ACVR1: variants seen among roughly 807,000 people sequenced by gnomAD.
The protein encoded by ACVR1 is activin receptor type-1.
In ACVR1, 38 loss-of-function variants were observed where a neutral mutation model predicts 57.1. The observed-to-expected ratio is 0.67, with a 90% CI of 0.51 to 0.87. The LOEUF is 0.87. Among genes scored for constraint, ACVR1 ranks in the 40% least tolerant of loss-of-function variants. The pLI is 0.00. For missense variants in ACVR1, 463 were observed against 638.2 expected (o/e 0.73, Z 2.96); for synonymous variants, 212 against 228.1 (o/e 0.93, Z 0.63).
At chr2:157,780,682 A>C in intron 3 of ACVR1, 82 bp from the exon 4 acceptor site, 2 of 1,511,072 alleles carry the variant, frequency 1.3e-6, no homozygotes, top group Non-Finnish European at 1.8e-6. Context: ...GGGAATGACC[A>C]TTCCAAACAC....
intron 1 of ACVR1, among the ~76,000 whole-genome samples, chr2:157,834,978 C>T (rs1026543100): frequency 6.6e-6 from 1 of 152,190 alleles, no homozygotes; most frequent in Non-Finnish European, 1.5e-5. Context: ...GTGCTTTGAT[C>T]TTGAGCTGCC....
At chr2:157,761,695 T>A (rs1685663662) in intron 8 of ACVR1, among the ~76,000 whole-genome samples, 1 of 152,174 alleles carries the variant, frequency 6.6e-6, no homozygotes, top group African/African-American at 2.4e-5. Context: ...GTTAAATGGC[T>A]TTCAAATGCT....
At chr2:157,836,800 T>C (rs1447762054) in intron 1 of ACVR1, among the ~76,000 whole-genome samples, 6 of 152,204 alleles carry the variant, frequency 3.9e-5, no homozygotes, top group African/African-American at 7.2e-5. Flanking sequence ...TTCCAGGATT[T>C]ATAAGGCTTC....
rs374270063 is a variant in ACVR1, at chr2:157,851,907, A to ACCACCAC, written c.-183+23888_-183+23889insGTGGTGG. On this transcript the variant is annotated intron_variant, in intron 1 of 10. Coordinates refer to ENST00000434821, the MANE Select transcript of ACVR1 (RefSeq NM_001111067.4). ...CACACACACACACACACACACACAC[A>ACCACCAC]CACCACCCCCACCCCACCCGCCCAG... Among the ~76,000 whole-genome samples the ACCACCAC allele has an allele frequency of 2.9e-3, 34 of 11,718 alleles. 2 individuals carry two copies. The highest frequency in any genetic ancestry group is 5.9e-3 in the African/African-American group (34 of 5,726). The allele number at this position is 11,718 out of a possible 152,430, so 7.7% of individuals were successfully genotyped here.
chr2:157,755,785 G>A (rs537343878), intron 9 of ACVR1, among the ~76,000 whole-genome samples: 11 of 151,718 alleles, frequency 7.3e-5, no homozygotes, highest in East Asian at 1.9e-4. Context: ...AAATACCACC[G>A]TCATTCTTCA....
chr2:157,804,154 T>C (rs570437466), intron 2 of ACVR1, among the ~76,000 whole-genome samples: 1 of 152,320 alleles, frequency 6.6e-6, no homozygotes, highest in African/African-American at 2.4e-5. Flanking sequence ...TCAGGCGCCT[T>C]TGGAGTTCTT....
At chr2:157,772,124 G>C (rs1284146638) in intron 6 of ACVR1, among the ~76,000 whole-genome samples, 3 of 152,180 alleles carry the variant, frequency 2.0e-5, no homozygotes, top group African/African-American at 7.2e-5. Flanking sequence ...GTCGAGGTAG[G>C]TAAATTAAAA....
intron 8 of ACVR1, among the ~76,000 whole-genome samples, chr2:157,763,284 CACTT>C (rs1206020187): frequency 5.3e-5 from 8 of 152,170 alleles, no homozygotes; most frequent in East Asian, 3.9e-4. Flanking sequence ...ATGCCTGTAA[CACTT>C]TATTTTCAAA....
intron 3 of ACVR1, among the ~76,000 whole-genome samples, chr2:157,795,707 G>A (rs753234043): frequency 3.3e-5 from 5 of 151,388 alleles, no homozygotes; most frequent in East Asian, 1.9e-4. Flanking sequence ...GCATTAAGAG[G>A]TTATTTCAGC....
At chr2:157,875,305 CAG>C (rs1170904878) in intron 1 of ACVR1, among the ~76,000 whole-genome samples, 1 of 152,146 alleles carries the variant, frequency 6.6e-6, no homozygotes, top group Non-Finnish European at 1.5e-5. Flanking sequence ...GGGAGTTGAG[CAG>C]AGTTTATTGG....
chr2:157,874,895 GACA>G (rs1052238308), intron 1 of ACVR1: 23 of 151,716 alleles, frequency 1.5e-4, no homozygotes, highest in Admixed American at 8.6e-4. Flanking sequence ...CCAAATTCAT[GACA>G]ACTTTTTAAC....
intron 8 of ACVR1, among the ~76,000 whole-genome samples, chr2:157,762,926 C>T (rs1057483995): frequency 2.0e-5 from 3 of 152,182 alleles, no homozygotes; most frequent in Admixed American, 6.5e-5. Flanking sequence ...GCAACCTCCA[C>T]GAGACCCTGA....
chr2:157,802,540 C>T (rs1687362788), intron 2 of ACVR1, among the ~76,000 whole-genome samples: 1 of 152,102 alleles, frequency 6.6e-6, no homozygotes, highest in Non-Finnish European at 1.5e-5. Flanking sequence ...TCACCCCCAC[C>T]AGCCACTTTC....
chr2:157,867,848 A>G (rs1689992153), intron 1 of ACVR1, among the ~76,000 whole-genome samples: 1 of 151,844 alleles, frequency 6.6e-6, no homozygotes, highest in Non-Finnish European at 1.5e-5. Flanking sequence ...CATTCATATC[A>G]CCTCTCTATG....
chr2:157,742,785 C>T (rs1684828426), intron 9 of ACVR1, among the ~76,000 whole-genome samples: 1 of 152,170 alleles, frequency 6.6e-6, no homozygotes, highest in African/African-American at 2.4e-5. Context: ...ACAAGTCCTT[C>T]CTCAAGATCT....
At chr2:157,745,918 A>G (rs970032363) in intron 9 of ACVR1, among the ~76,000 whole-genome samples, 1 of 152,148 alleles carries the variant, frequency 6.6e-6, no homozygotes, top group Non-Finnish European at 1.5e-5. Flanking sequence ...TTTCAAAGTA[A>G]GTGCACCAAA....
chr2:157,865,349 C>T (rs574416926), intron 1 of ACVR1, among the ~76,000 whole-genome samples: 1 of 152,330 alleles, frequency 6.6e-6, no homozygotes, highest in African/African-American at 2.4e-5. Flanking sequence ...TATCACCACA[C>T]CACATTGCTT....
chr2:157,859,829 T>G (rs1292408832), intron 1 of ACVR1, among the ~76,000 whole-genome samples: 1 of 152,098 alleles, frequency 6.6e-6, no homozygotes, highest in South Asian at 2.1e-4. Context: ...TCGCCTCACA[T>G]GCTGCTAGGT....
chr2:157,834,291 C>A (rs1688697903), intron 1 of ACVR1, among the ~76,000 whole-genome samples: 1 of 152,008 alleles, frequency 6.6e-6, no homozygotes, highest in Non-Finnish European at 1.5e-5. Context: ...CGGGGTTTCA[C>A]CGTGTTAGCC....
Sources: gnomAD v4.1 joint callset for allele counts (sites outside exome capture counted in the v4.1 genomes callset) on GRCh38, gnomAD v4.1.1 for gene constraint, MANE v1.5 for transcripts, NCBI Gene and HGNC (gene_info 2026-07-23, HGNC 2026-07-21) for gene names.